Variants in KIN observed in about 807,000 individuals in gnomAD.
KIN encodes DNA/RNA-binding protein KIN17.
KIN carries 47 observed loss-of-function variants against 63.0 expected under a neutral mutation model. The ratio of observed to expected loss-of-function variants is 0.75; its 90% CI spans 0.59 to 0.95. The LOEUF is 0.95. Ranked by LOEUF, KIN falls within the 40% of genes least tolerant of loss-of-function variation. The pLI is 0.00. For synonymous variants in KIN, 160 were observed against 157.7 expected (o/e 1.01, Z -0.11); for missense variants, 408 against 460.9 (o/e 0.89, Z 1.05).
At chr10:7,757,689 C>A (rs1287940721) in intron 12 of KIN, among the ~76,000 whole-genome samples, 1 of 151,948 alleles carries the variant, frequency 6.6e-6, no homozygotes, top group African/African-American at 2.4e-5. Flanking sequence ...AAATAATTAT[C>A]ATATTTAAAG....
chr10:7,763,353 T>C (rs1030984944), intron 10 of KIN, among the ~76,000 whole-genome samples: 2 of 152,216 alleles, frequency 1.3e-5, no homozygotes, highest in Non-Finnish European at 2.9e-5. Flanking sequence ...GACAGTATAA[T>C]TGTTAGGCTG....
intron 9 of KIN, 81 bp downstream of exon 9, chr10:7,765,972 T>G: frequency 1.0e-6 from 1 of 966,540 alleles, no homozygotes; most frequent in Non-Finnish European, 1.6e-6. Flanking sequence ...TTGAAAAGTT[T>G]AGTTACTTAT....
chr10:7,774,868 C>A lies in KIN; in HGVS notation c.631G>T (p.Ala211Ser), dbSNP rs749687842. ...GATGTTGCTCCGGATGAGCTACATG[C>A]TCCTTTACTCAAATTAAACGTGACT... is the stretch of plus-strand genomic sequence containing the variant. ...EKVTFNLSKG[A>S]CSSSGATSSK... Residue 211 changes from alanine to serine, a missense_variant, in exon 7 of 13, where the codon GCA becomes TCA. Physicochemically the swap from Ala to Ser is moderately conservative, Grantham distance 99. This residue lies in a region of KIN where 298 missense variants were observed against 296.0 expected (regional missense o/e 1.01). Transcript: ENST00000379562. 11 of 1,612,830 alleles carry A rather than the reference C, an allele frequency of 6.8e-6. No individual in the cohort carries two copies. The Admixed American group carries it at 1.5e-4, about 22-fold the overall frequency.
Position 7,786,270 on chromosome 10 carries a change from C to T in KIN, c.114+1550G>A, listed in dbSNP as rs181418743. Among the ~76,000 whole-genome samples the T allele has an allele frequency of 2.9e-3, 442 of 152,184 alleles. 3 individuals are homozygous for T. The highest frequency in any genetic ancestry group is 0.01 in the African/African-American group (425 of 41,518). On this transcript the variant is annotated intron_variant, in intron 1 of 12. Transcript: ENST00000379562. Reference sequence around the variant, plus strand: ...TGTATTAGATGATAAAGAGGAACTTCTATTAATTGTGTTATGTTGATGACA... The same window carrying T: ...TGTATTAGATGATAAAGAGGAACTTTTATTAATTGTGTTATGTTGATGACA...
intron 8 of KIN, 122 bp downstream of exon 8, chr10:7,769,094 A>G (rs1302952432): frequency 2.5e-6 from 2 of 797,368 alleles, no homozygotes; most frequent in Non-Finnish European, 3.9e-6. Context: ...GTATGTAGCT[A>G]GGTCACTATT....
intron 7 of KIN, among the ~76,000 whole-genome samples, 193 bp from the exon 8 acceptor site, chr10:7,769,538 T>G (rs1193298475): frequency 1.3e-5 from 2 of 152,272 alleles, no homozygotes; most frequent in East Asian, 3.9e-4. Flanking sequence ...CGTGCTATCT[T>G]TAACTCTCTG....
At position 7,754,559 on chromosome 10, in the gene KIN, G is replaced by C. The variant is rs1291290677; in HGVS notation, c.*1521C>G. 1 of 152,982 alleles carries C rather than the reference G, an allele frequency of 6.5e-6. No individual in the cohort carries two copies. Among genetic ancestry groups the C allele is most frequent in the East Asian group, 1.9e-4 (1 of 5,200 alleles). 9.5% of individuals were successfully genotyped at this position (152,982 alleles called of 1,614,324 possible). A position where few individuals can be genotyped will look rare whatever the true frequency, so the allele number is the denominator to read the frequency against. ...GAGGCAGGAGAATGGCTTGAACCCG[G>C]GAGGTGGAGGTTGCAGTGAGCCGAG... On this transcript the variant is annotated 3_prime_UTR_variant, in exon 13 of 13. Transcript: ENST00000379562.
intron 2 of KIN, among the ~76,000 whole-genome samples, chr10:7,781,079 G>T (rs942288809): frequency 6.6e-6 from 1 of 152,164 alleles, no homozygotes; most frequent in African/African-American, 2.4e-5. Flanking sequence ...CCTTCAAGGA[G>T]GTTACAATCT....
intron 2 of KIN, 51 bp from the exon 3 acceptor site, chr10:7,780,358 C>A: frequency 6.9e-7 from 1 of 1,444,192 alleles, no homozygotes; most frequent in South Asian, 1.2e-5. Context: ...AAACATATAG[C>A]ATCATCTTTT....
At position 7,778,741 on chromosome 10, in the gene KIN, A is replaced by AAATAAC. The variant is rs1554770671; in HGVS notation, c.558+96_558+97insGTTATT. 2.5e-5 allele frequency: 30 copies of AAATAAC among 1,221,698 alleles called. 1 individual carries two copies. The East Asian group carries it at 7.3e-4, about 30-fold the overall frequency. 75.7% of individuals were successfully genotyped at this position (1,221,698 alleles called of 1,614,324 possible). On this transcript the variant is annotated intron_variant, in intron 5 of 12. Coordinates refer to ENST00000379562, the MANE Select transcript of KIN (RefSeq NM_012311.4). ...GCGGCAGAGCAAGACTCCATCTCCA[A>AAATAAC]AACAACAACAACAACAAAAACAAAA...
Position 7,752,922 on chromosome 10 carries a change from G to C in KIN, c.*3158C>G, listed in dbSNP as rs1835265787. The C allele has an allele frequency of 6.6e-6, 1 of 152,226 alleles. No homozygotes were observed. The highest frequency in any genetic ancestry group is 2.1e-4 in the South Asian group (1 of 4,832). The allele number at this position is 152,226 out of a possible 1,614,324, so 9.4% of individuals were successfully genotyped here. ...TCAGCGGTCAGCAGGGATTTGGGGG[G>C]AGACAGGGAACAGACAGAACACAGG... On this transcript the variant is annotated 3_prime_UTR_variant, in exon 13 of 13. Transcript: ENST00000379562.
At chr10:7,765,398 C>A (rs1835523783) in intron 9 of KIN, among the ~76,000 whole-genome samples, 1 of 151,704 alleles carries the variant, frequency 6.6e-6, no homozygotes, top group Non-Finnish European at 1.5e-5. Flanking sequence ...AGTTTCAGAC[C>A]AGCCTGGTCA....
Position 7,754,158 on chromosome 10 carries a change from C to T in KIN, c.*1922G>A, listed in dbSNP as rs1282463471. ...CAGCCTGGGCAACATAGCAAGACCT[C>T]ATCTCTACTAAAAATCAAAAAAATT... On this transcript the variant is annotated 3_prime_UTR_variant, in exon 13 of 13. Transcript: ENST00000379562. 2 of 450,050 alleles carry T rather than the reference C, an allele frequency of 4.4e-6. No individual in the cohort carries two copies. The highest frequency in any genetic ancestry group is 2.4e-5 in the Admixed American group (1 of 41,742). 27.9% of individuals were successfully genotyped at this position (450,050 alleles called of 1,614,324 possible).
intron 7 of KIN, among the ~76,000 whole-genome samples, chr10:7,772,386 G>A (rs1464366239): frequency 1.3e-5 from 2 of 152,178 alleles, no homozygotes; most frequent in African/African-American, 4.8e-5. Flanking sequence ...TCCTTGAACA[G>A]CCCTCATTTT....
At chr10:7,778,413 G>A (rs1003426603) in intron 5 of KIN, among the ~76,000 whole-genome samples, 3 of 152,118 alleles carry the variant, frequency 2.0e-5, no homozygotes, top group African/African-American at 7.2e-5. Context: ...CTTAGTTCAG[G>A]AACAGTGCCC....
At chr10:7,767,145 A>G (rs1319506004) in intron 8 of KIN, among the ~76,000 whole-genome samples, 1 of 152,218 alleles carries the variant, frequency 6.6e-6, no homozygotes, top group Non-Finnish European at 1.5e-5. Flanking sequence ...GAATAAAATT[A>G]AATTTTAAAA....
At chr10:7,759,212 T>C (rs147135751) in intron 12 of KIN, among the ~76,000 whole-genome samples, 16 of 152,312 alleles carry the variant, frequency 1.1e-4, no homozygotes, top group South Asian at 4.1e-4. Context: ...AAAATTCTTT[T>C]GTTTAGCATC....
At chr10:7,786,922 G>C (rs1044162963) in intron 1 of KIN, among the ~76,000 whole-genome samples, 1 of 152,126 alleles carries the variant, frequency 6.6e-6, no homozygotes, top group African/African-American at 2.4e-5. Context: ...TCCTTCACTT[G>C]CAGAAACACT....
intron 7 of KIN, among the ~76,000 whole-genome samples, chr10:7,772,840 T>C (rs574335854): frequency 1.3e-5 from 2 of 152,354 alleles, no homozygotes; most frequent in South Asian, 2.1e-4. Flanking sequence ...GCAGGCTGTA[T>C]AGACCCCCAA....
Sources: gnomAD v4.1 joint callset for allele counts (sites outside exome capture counted in the v4.1 genomes callset) on GRCh38, gnomAD v4.1.1 for gene constraint, gnomAD v4.1.1 regional missense constraint, MANE v1.5 for transcripts, NCBI Gene and HGNC (gene_info 2026-07-23, HGNC 2026-07-21) for gene names.